The following SAFB variants were observed in gnomAD, a reference collection of about 807,000 sequenced individuals.
SAFB encodes the protein scaffold attachment factor B1.
A neutral mutation model predicts 101.6 loss-of-function variants in SAFB; 15 were observed. That is an observed-to-expected ratio of 0.15 (90% CI 0.10 to 0.23). SAFB has a LOEUF of 0.23. Among genes scored for constraint, SAFB ranks in the 10% least tolerant of loss-of-function variants. The probability of loss-of-function intolerance (pLI) is 1.00; values close to 1 mark genes in which losing one functional copy is unlikely to be tolerated. For synonymous variants in SAFB, 449 were observed against 407.5 expected, an observed-to-expected ratio of 1.10 and a Z score of -1.23; for missense variants, 930 against 1,104.1, an observed-to-expected ratio of 0.84 and a Z score of 2.23.
intron 2 of SAFB, among the ~76,000 whole-genome samples, chr19:5,636,482 A>G (rs1467801875): frequency 1.3e-5 from 2 of 152,230 alleles, no homozygotes; most frequent in South Asian, 2.1e-4. Flanking sequence ...TTCCCAGCCA[A>G]CTGACCAAAA....
chr19:5,634,619 A>G (rs2053558127), intron 2 of SAFB, among the ~76,000 whole-genome samples: 1 of 152,108 alleles, frequency 6.6e-6, no homozygotes, highest in Admixed American at 6.5e-5. Flanking sequence ...ATATTATAGC[A>G]CAGAATAAGG....
intron 4 of SAFB, among the ~76,000 whole-genome samples, chr19:5,644,991 C>G (rs992026779): frequency 6.6e-6 from 1 of 152,218 alleles, no homozygotes; most frequent in Non-Finnish European, 1.5e-5. Context: ...GCCATTGCTC[C>G]TGGAAGAACA....
intron 8 of SAFB, among the ~76,000 whole-genome samples, chr19:5,650,693 G>C (rs1415680600): frequency 1.3e-5 from 2 of 152,176 alleles, no homozygotes; most frequent in Non-Finnish European, 2.9e-5. Context: ...TTACAGGCGT[G>C]AGCCACCACA....
In SAFB at chr19:5,623,216, C is replaced by T. The variant is rs1246757204; in HGVS notation, c.11C>T (p.Thr4Ile). 36 of 1,594,724 alleles carry T rather than the reference C, an allele frequency of 2.3e-5. No individual in the cohort carries two copies. Among genetic ancestry groups the T allele is most frequent in the Admixed American group, 5.3e-5 (3 of 56,478 alleles). Reference sequence around the variant, plus strand: ...GCCAGGGTCCCTGGAATGGCGGAGACTCTGTCAGGCCTAGGTGATTCTGGA... The same window carrying T: ...GCCAGGGTCCCTGGAATGGCGGAGATTCTGTCAGGCCTAGGTGATTCTGGA... The part of the protein sequence containing the change: MAE[T>I]LSGLGDSGAA... Residue 4 changes from threonine to isoleucine, a missense_variant, in exon 1 of 21, where the codon ACT becomes ATT. Around this residue, in one of 7 missense-constraint regions of SAFB, gnomAD observed 44 missense variants for 35.8 expected, o/e 1.23. Transcript: ENST00000588852.
chr19:5,655,089 A>G lies in SAFB; in HGVS notation c.1755+633A>G, dbSNP rs188331562. On this transcript the variant is annotated intron_variant, in intron 13 of 20. Coordinates refer to ENST00000588852, the MANE Select transcript of SAFB (RefSeq NM_001201338.2). ...CAGCAGTGTGGAGCATGCCATGGTG[A>G]CCTGGCCCATCTCGCCAGCCTCCCT... Among the ~76,000 whole-genome samples, 120 of 152,158 alleles carry G rather than the reference A, an allele frequency of 7.9e-4. 1 individual carries two copies. The highest frequency in any genetic ancestry group is 2.8e-3 in the African/African-American group (118 of 41,516).
At chr19:5,655,550 A>C (rs1024459121) in intron 13 of SAFB, among the ~76,000 whole-genome samples, 1 of 151,400 alleles carries the variant, frequency 6.6e-6, no homozygotes, top group Admixed American at 6.6e-5. Context: ...AACTGGGGAC[A>C]CTCTGAGAGC....
intron 4 of SAFB, among the ~76,000 whole-genome samples, chr19:5,644,556 T>C (rs1294792226): frequency 1.3e-5 from 2 of 152,232 alleles, no homozygotes; most frequent in Non-Finnish European, 2.9e-5. Flanking sequence ...TTTCAGTGAA[T>C]GGGCTTTTGT....
At chr19:5,630,310 G>T (rs1402067511) in intron 2 of SAFB, among the ~76,000 whole-genome samples, 1 of 152,044 alleles carries the variant, frequency 6.6e-6, no homozygotes, top group African/African-American at 2.4e-5. Flanking sequence ...CGATTTCTGT[G>T]CTGGGTTGTT....
intron 13 of SAFB, among the ~76,000 whole-genome samples, chr19:5,656,360 C>T (rs1213880864): frequency 6.6e-6 from 1 of 152,090 alleles, no homozygotes; most frequent in Non-Finnish European, 1.5e-5. Flanking sequence ...CAACCTCCAC[C>T]TCCCGGGGGT....
rs1405215772 is a variant in SAFB, at chr19:5,654,368, G to A, written c.1667G>A (p.Gly556Glu). 2 of 1,611,776 alleles carry A rather than the reference G, an allele frequency of 1.2e-6. No homozygotes were observed. The highest frequency in any genetic ancestry group is 2.2e-5 in the South Asian group (2 of 91,032). Residue 556 changes from glycine (G) to glutamate (E), a missense_variant and splice_region_variant, in exon 13 of 21, where the codon GGA (glycine) becomes GAA (glutamate). Gly to Glu is a moderately conservative substitution (Grantham distance 98, BLOSUM62 -2). This residue lies in a region of SAFB where 159 missense variants were observed against 234.1 expected (regional missense o/e 0.68). Coordinates refer to ENST00000588852, the MANE Select transcript of SAFB (RefSeq NM_001201338.2). Reference protein sequence around the residue: ...PSERSRATKSGSRGTERTVVM... With the variant: ...PSERSRATKSESRGTERTVVM... Reference sequence around the variant, plus strand: ...TACACTTTCCCCGTCTTTTCTGTAGGAAGTCGAGGGACCGAACGGACTGTA... The same window carrying A: ...TACACTTTCCCCGTCTTTTCTGTAGAAAGTCGAGGGACCGAACGGACTGTA...
At chr19:5,648,964 C>T (rs1486308306) in intron 6 of SAFB, 25 bp from the exon 7 acceptor site, 2 of 387,530 alleles carry the variant, frequency 5.2e-6, no homozygotes, top group African/African-American at 2.5e-5. Flanking sequence ...AACCTTGTGC[C>T]ATTCTATTCC....
At chr19:5,642,651 CTTTTTTTTTTTT>C (rs767488519) in intron 4 of SAFB, among the ~76,000 whole-genome samples, 3 of 70,852 alleles carry the variant, frequency 4.2e-5, no homozygotes, top group Admixed American at 4.5e-4. Context: ...CCCTTCCTTT[CTTTTTTTTTTTT>C]TTTTTTTTTT....
Position 5,623,096 on chromosome 19 carries a change from G to T in SAFB, c.-110G>T, listed in dbSNP as rs1432291902. 21 of 1,157,324 alleles carry T rather than the reference G, an allele frequency of 1.8e-5. No homozygotes were observed. The highest frequency in any genetic ancestry group is 2.1e-5 in the Non-Finnish European group (17 of 810,406). The allele number at this position is 1,157,324 out of a possible 1,614,324, so 71.7% of individuals were successfully genotyped here. A position where few individuals can be genotyped will look rare whatever the true frequency, so the allele number is the denominator to read the frequency against. ...GTGCGCCTGCGCAGAAGCGAGGCGC[G>T]CTGGGGCGACTGGAGCGGTTCCCTC... On this transcript the variant is annotated 5_prime_UTR_variant, in exon 1 of 21. Transcript: ENST00000588852.
intron 14 of SAFB, among the ~76,000 whole-genome samples, chr19:5,659,633 G>A (rs928625918): frequency 1.3e-5 from 2 of 151,824 alleles, no homozygotes; most frequent in Non-Finnish European, 1.5e-5. Context: ...CACCCGCATC[G>A]GCCTCCCAAA....
At chr19:5,661,860 G>GA in intron 15 of SAFB, 52 bp downstream of exon 15, 1 of 1,260,656 alleles carries the variant, frequency 7.9e-7, no homozygotes, top group Admixed American at 2.6e-5. Flanking sequence ...TCGTGTTAGG[G>GA]ACCTCACAGT....
rs146930789 is a variant in SAFB, at chr19:5,625,776, A to G, written c.190-629A>G. On this transcript the variant is annotated intron_variant, in intron 1 of 20. Coordinates refer to ENST00000588852, the MANE Select transcript of SAFB (RefSeq NM_001201338.2). ...ATAATTCAATATCCGATGAGGCACA[A>G]TCACCTAGTGGTTGAGAATGAGGTA... Among the ~76,000 whole-genome samples, 483 of 152,322 alleles carry G rather than the reference A, an allele frequency of 3.2e-3. 1 individual carries two copies. The highest frequency in any genetic ancestry group is 0.011 in the African/African-American group (443 of 41,570).
intron 3 of SAFB, 24 bp from the exon 4 acceptor site, chr19:5,641,716 T>TG: frequency 6.2e-7 from 1 of 1,613,794 alleles, no homozygotes; most frequent in Non-Finnish European, 8.5e-7. Flanking sequence ...GGTCACATGA[T>TG]GGTTCGGTCT....
At chr19:5,628,313 T>C (rs2053413968) in intron 2 of SAFB, among the ~76,000 whole-genome samples, 1 of 152,088 alleles carries the variant, frequency 6.6e-6, no homozygotes, top group African/African-American at 2.4e-5. Context: ...TCATGTAGAG[T>C]TTTCCCTATC....
intron 8 of SAFB, among the ~76,000 whole-genome samples, 161 bp from the exon 9 acceptor site, chr19:5,650,817 C>G (rs73920036): frequency 0.038 from 5,816 of 152,232 alleles, 405 homozygotes; most frequent in African/African-American, 0.13. Context: ...GCACTGGAGG[C>G]TCTTGGTGAG....
Sources: gnomAD v4.1 joint callset for allele counts (sites outside exome capture counted in the v4.1 genomes callset) on GRCh38, gnomAD v4.1.1 for gene constraint, gnomAD v4.1.1 regional missense constraint, MANE v1.5 for transcripts, NCBI Gene and HGNC (gene_info 2026-07-23, HGNC 2026-07-21) for gene names.